Variants in NLGN1 observed in about 807,000 individuals in gnomAD.
NLGN1 encodes the protein neuroligin-1.
Under a neutral mutation model 65.5 loss-of-function variants are expected in NLGN1, and 12 were observed. That is an observed-to-expected ratio of 0.18 (90% CI 0.12 to 0.30). The LOEUF (loss-of-function observed/expected upper bound fraction) is 0.30, where lower values mean the gene tolerates loss of function less well. Ranked by LOEUF, NLGN1 falls within the 10% of genes least tolerant of loss-of-function variation. The probability of loss-of-function intolerance (pLI) is 1.00; values close to 1 mark genes in which losing one functional copy is unlikely to be tolerated. For missense variants in NLGN1, 750 were observed against 1,007.1 expected (o/e 0.74, Z 3.46); for synonymous variants, 350 against 359.5 (o/e 0.97, Z 0.30).
intron 4 of NLGN1, among the ~76,000 whole-genome samples, chr3:174,125,717 T>A (rs1405784646): frequency 6.6e-6 from 1 of 152,022 alleles, no homozygotes; most frequent in African/African-American, 2.4e-5. Context: ...AGAGAAAGTA[T>A]ACGGTGATAA....
chr3:173,602,962 A>G (rs1024042161), intron 2 of NLGN1, among the ~76,000 whole-genome samples: 2 of 152,124 alleles, frequency 1.3e-5, no homozygotes, highest in Non-Finnish European at 2.9e-5. Flanking sequence ...AACACAGACT[A>G]AAGTATTTTC....
At chr3:173,832,796 A>T (rs1385853771) in intron 4 of NLGN1, among the ~76,000 whole-genome samples, 1 of 152,202 alleles carries the variant, frequency 6.6e-6, no homozygotes, top group African/African-American at 2.4e-5. Flanking sequence ...TAAGAAAAGC[A>T]ATTTTCTCTT....
intron 4 of NLGN1, among the ~76,000 whole-genome samples, chr3:174,083,833 T>G (rs1477575341): frequency 1.3e-5 from 2 of 151,426 alleles, no homozygotes; most frequent in East Asian, 3.9e-4. Flanking sequence ...GGAAACAGTC[T>G]CTCTGACAAG....
chr3:174,193,309 C>T (rs1382844629), intron 4 of NLGN1, among the ~76,000 whole-genome samples: 1 of 152,144 alleles, frequency 6.6e-6, no homozygotes, highest in African/African-American at 2.4e-5. Context: ...TTCAACTTTT[C>T]AAGAGTACCT....
At chr3:174,226,487 C>T (rs1485118929) in intron 4 of NLGN1, among the ~76,000 whole-genome samples, 2 of 152,056 alleles carry the variant, frequency 1.3e-5, no homozygotes, top group Non-Finnish European at 2.9e-5. Flanking sequence ...TAGCATAACA[C>T]GGAAGTAATG....
intron 3 of NLGN1, among the ~76,000 whole-genome samples, chr3:173,721,674 T>G (rs1770856003): frequency 6.6e-6 from 1 of 152,276 alleles, no homozygotes; most frequent in African/African-American, 2.4e-5. Flanking sequence ...TTTATGGAGA[T>G]TGTTAAAGAA....
intron 4 of NLGN1, among the ~76,000 whole-genome samples, chr3:174,064,982 A>G (rs951785761): frequency 2.9e-4 from 44 of 151,698 alleles, no homozygotes; most frequent in African/African-American, 1.0e-3. Context: ...AGAAAACTGC[A>G]TATTCAATTC....
At chr3:173,917,752 A>G (rs549549635) in intron 4 of NLGN1, among the ~76,000 whole-genome samples, 2 of 152,218 alleles carry the variant, frequency 1.3e-5, no homozygotes, top group Admixed American at 1.3e-4. Flanking sequence ...AACTGCCTCC[A>G]CCTGATTGAG....
chr3:173,446,838 G>A (rs563587338), intron 2 of NLGN1, among the ~76,000 whole-genome samples: 1 of 152,328 alleles, frequency 6.6e-6, no homozygotes, highest in Admixed American at 6.5e-5. Context: ...TTTTTCATGT[G>A]TTTTTTGGCT....
At chr3:173,928,944 A>G (rs1246219623) in intron 4 of NLGN1, among the ~76,000 whole-genome samples, 1 of 152,126 alleles carries the variant, frequency 6.6e-6, no homozygotes, top group Non-Finnish European at 1.5e-5. Context: ...GTGCTGGATT[A>G]CAGGCATGAG....
intron 4 of NLGN1, among the ~76,000 whole-genome samples, chr3:174,263,278 T>G (rs1397530103): frequency 6.2e-5 from 9 of 146,208 alleles, no homozygotes; most frequent in African/African-American, 1.5e-4. Context: ...ATGTTGACAG[T>G]GGGGTGTTAA....
At chr3:173,405,487 T>C (rs1473177745) in intron 1 of NLGN1, among the ~76,000 whole-genome samples, 1 of 152,050 alleles carries the variant, frequency 6.6e-6, no homozygotes, top group Non-Finnish European at 1.5e-5. Context: ...TCAGAGTCAA[T>C]GAAATATGGC....
At chr3:174,098,602 A>G (rs1711645504) in intron 4 of NLGN1, among the ~76,000 whole-genome samples, 1 of 152,178 alleles carries the variant, frequency 6.6e-6, no homozygotes, top group Admixed American at 6.6e-5. Context: ...ACTAGAGTAT[A>G]GAATGGTACT....
rs539891499 is a variant in NLGN1, at chr3:173,423,941, C to A, written c.-389-11069C>A. 2.6e-4 allele frequency among the ~76,000 whole-genome samples: 39 copies of A among 152,304 alleles called. No individual in the cohort carries two copies. The East Asian group carries it at 5.6e-3, about 22-fold the overall frequency. ...TCCACGAGGACTCCACTGCAGCAGACTTCTCCCTGGACATCGAGGCATTTT... is the reference window on the plus strand; with the variant it reads ...TCCACGAGGACTCCACTGCAGCAGAATTCTCCCTGGACATCGAGGCATTTT... On this transcript the variant is annotated intron_variant, in intron 1 of 6. Transcript: ENST00000457714.
At chr3:173,998,549 C>T (rs1420805402) in intron 4 of NLGN1, among the ~76,000 whole-genome samples, 1 of 152,184 alleles carries the variant, frequency 6.6e-6, no homozygotes, top group Non-Finnish European at 1.5e-5. Context: ...AATTATGATA[C>T]TTTCATCTCT....
chr3:173,468,873 A>G (rs559207986), intron 2 of NLGN1, among the ~76,000 whole-genome samples: 1 of 152,264 alleles, frequency 6.6e-6, no homozygotes, highest in South Asian at 2.1e-4. Context: ...CTGCAATGGA[A>G]TTAAAAGCCA....
intron 3 of NLGN1, among the ~76,000 whole-genome samples, chr3:173,714,889 AGACTTTCAGGGATT>A (rs1478665510): frequency 1.3e-5 from 2 of 152,126 alleles, no homozygotes; most frequent in Non-Finnish European, 2.9e-5. Context: ...TAGGGAGGTT[AGACTTTCAGGGATT>A]CTTCAGAGTA....
intron 3 of NLGN1, among the ~76,000 whole-genome samples, chr3:173,636,695 A>G (rs1756651383): frequency 2.0e-5 from 3 of 152,142 alleles, no homozygotes; most frequent in African/African-American, 7.2e-5. Flanking sequence ...CCTGGGAAAT[A>G]GTTGTATGGG....
rs1054145067 is a variant in NLGN1, at chr3:173,706,693, T to C, written c.494-100987T>C. On this transcript the variant is annotated intron_variant, in intron 3 of 6. Coordinates refer to ENST00000457714, the Ensembl canonical transcript of NLGN1. ...ATTACCAAGCCTATAGCATAGGGTATTTACGTACAGATATCGATCTACAGA... is the reference window on the plus strand; with the variant it reads ...ATTACCAAGCCTATAGCATAGGGTACTTACGTACAGATATCGATCTACAGA... Among the ~76,000 whole-genome samples, 3 of 152,200 alleles carry C rather than the reference T, an allele frequency of 2.0e-5. No individual in the cohort carries two copies. The South Asian group carries it at 6.2e-4, about 32-fold the overall frequency.
Sources: gnomAD v4.1 joint callset for allele counts (sites outside exome capture counted in the v4.1 genomes callset) on GRCh38, gnomAD v4.1.1 for gene constraint, MANE v1.5 for transcripts, NCBI Gene and HGNC (gene_info 2026-07-23, HGNC 2026-07-21) for gene names.